CDH18: variants seen among roughly 807,000 people sequenced by gnomAD.
The protein encoded by CDH18 is cadherin 18.
In CDH18, 31 loss-of-function variants were observed where a neutral mutation model predicts 67.9. That is an observed-to-expected ratio of 0.46 (90% CI 0.34 to 0.62). The LOEUF is 0.62. CDH18 is among the 20% of genes least tolerant of loss of function. The pLI is 0.01. For missense variants in CDH18, 890 were observed against 975.5 expected, an observed-to-expected ratio of 0.91 and a Z score of 1.17; for synonymous variants, 362 against 347.2, an observed-to-expected ratio of 1.04 and a Z score of -0.48.
intron 3 of CDH18, among the ~76,000 whole-genome samples, chr5:19,821,462 T>A (rs1779872105): frequency 6.7e-6 from 1 of 148,850 alleles, no homozygotes; most frequent in Non-Finnish European, 1.5e-5. Flanking sequence ...TTGAGAAACA[T>A]GTGATTATGT....
At chr5:19,830,126 C>A (rs1037720495) in intron 3 of CDH18, among the ~76,000 whole-genome samples, 1 of 152,098 alleles carries the variant, frequency 6.6e-6, no homozygotes, top group African/African-American at 2.4e-5. Context: ...GGACATAGGT[C>A]CCAGCAAAGA....
chr5:19,486,303 T>C (rs1393603122), intron 11 of CDH18, among the ~76,000 whole-genome samples: 1 of 150,568 alleles, frequency 6.6e-6, no homozygotes, highest in Non-Finnish European at 1.5e-5. Flanking sequence ...TATATAGATA[T>C]GTATTATATA....
intron 1 of CDH18, among the ~76,000 whole-genome samples, chr5:20,335,737 CAT>C (rs1239389142): frequency 6.6e-6 from 1 of 151,506 alleles, no homozygotes; most frequent in Non-Finnish European, 1.5e-5. Context: ...GTGTCTGAAA[CAT>C]AGTAGAATCT....
chr5:19,756,168 C>T (rs1286501435), intron 3 of CDH18, among the ~76,000 whole-genome samples: 1 of 152,176 alleles, frequency 6.6e-6, no homozygotes, highest in East Asian at 1.9e-4. Flanking sequence ...CCAACCCAAA[C>T]ACTATCACAT....
rs74959546 is a variant in CDH18, at chr5:19,994,349, C to A, written c.-517-2335G>T. Among the ~76,000 whole-genome samples the A allele has an allele frequency of 9.7e-3, 1,375 of 141,960 alleles. 26 individuals carry two copies. Among genetic ancestry groups the A allele is most frequent in the African/African-American group, 0.037 (1,298 of 34,672 alleles). 93.1% of individuals were successfully genotyped at this position (141,960 alleles called of 152,430 possible). On this transcript the variant is annotated intron_variant, in intron 2 of 14. Transcript: ENST00000507958. Reference sequence around the variant, plus strand: ...TACATATATTTATACACCTCTCTATCCCCTTAGTTCGATTTTTCTGGAGAA... The same window carrying A: ...TACATATATTTATACACCTCTCTATACCCTTAGTTCGATTTTTCTGGAGAA...
intron 6 of CDH18, among the ~76,000 whole-genome samples, chr5:19,599,868 C>T (rs190557723): frequency 6.6e-6 from 1 of 152,222 alleles, no homozygotes; most frequent in African/African-American, 2.4e-5. Flanking sequence ...GCCTGGGCGA[C>T]AGAGCGAGAC....
At chr5:19,693,827 T>C (rs2150436233) in intron 5 of CDH18, among the ~76,000 whole-genome samples, 1 of 147,786 alleles carries the variant, frequency 6.8e-6, no homozygotes, top group East Asian at 2.0e-4. Context: ...ACCTGAGAGC[T>C]GGAGGTTGCA....
intron 1 of CDH18, among the ~76,000 whole-genome samples, chr5:20,388,340 C>T (rs1744503012): frequency 6.6e-6 from 1 of 152,080 alleles, no homozygotes; most frequent in Non-Finnish European, 1.5e-5. Flanking sequence ...TCTAGATTTT[C>T]TAGTTTATTT....
At chr5:19,658,255 A>G (rs1215964512) in intron 5 of CDH18, among the ~76,000 whole-genome samples, 8 of 152,086 alleles carry the variant, frequency 5.3e-5, no homozygotes, top group East Asian at 1.9e-4. Flanking sequence ...TCCTTCAAAG[A>G]ATTATAGCAT....
chr5:19,622,207 G>A (rs924557125), intron 5 of CDH18, among the ~76,000 whole-genome samples: 1 of 152,114 alleles, frequency 6.6e-6, no homozygotes, highest in Non-Finnish European at 1.5e-5. Context: ...GCATTGTAGG[G>A]AATTTCCTTC....
At chr5:19,779,084 T>C (rs1561282928) in intron 3 of CDH18, among the ~76,000 whole-genome samples, 1 of 152,184 alleles carries the variant, frequency 6.6e-6, no homozygotes, top group African/African-American at 2.4e-5. Context: ...GAGAATACTT[T>C]AAAAATTTTT....
intron 1 of CDH18, among the ~76,000 whole-genome samples, chr5:20,531,144 A>C (rs978560731): frequency 6.6e-6 from 1 of 152,116 alleles, no homozygotes; most frequent in Non-Finnish European, 1.5e-5. Context: ...AAAATAGCTC[A>C]ACACCACTGA....
At chr5:20,135,793 C>G (rs1749661939) in intron 2 of CDH18, among the ~76,000 whole-genome samples, 1 of 152,112 alleles carries the variant, frequency 6.6e-6, no homozygotes, top group Admixed American at 6.6e-5. Context: ...TATGTTGTGT[C>G]TTTGTTCTCA....
chr5:20,485,710 AG>A (rs111362428), intron 1 of CDH18, among the ~76,000 whole-genome samples: 10,546 of 152,154 alleles, frequency 0.069, 525 homozygotes, highest in African/African-American at 0.14. Flanking sequence ...GGTGAAAAAA[AG>A]TGTTTTGCTT....
rs539768184 is a variant in CDH18 at position 19,471,908 on chromosome 5, G to T, written c.*1318C>A. Reference sequence around the variant, plus strand: ...CTTTTATGCAATTGAATACTTTGCAGTTGGCAAAGCATTTTACAGATGCTC... The same window carrying T: ...CTTTTATGCAATTGAATACTTTGCATTTGGCAAAGCATTTTACAGATGCTC... On this transcript the variant is annotated 3_prime_UTR_variant, in exon 13 of 13. Coordinates refer to ENST00000382275, the MANE Select transcript of CDH18 (RefSeq NM_004934.5). 2.6e-4 allele frequency among the ~76,000 whole-genome samples: 39 copies of T among 152,274 alleles called. No homozygotes were observed. Among genetic ancestry groups the T allele is most frequent in the African/African-American group, 9.4e-4 (39 of 41,562 alleles).
At chr5:19,910,028 T>C (rs1056598972) in intron 2 of CDH18, among the ~76,000 whole-genome samples, 1 of 152,146 alleles carries the variant, frequency 6.6e-6, no homozygotes, top group Non-Finnish European at 1.5e-5. Flanking sequence ...CCTTTATGGG[T>C]CTCCCAAGTA....
intron 2 of CDH18, chr5:20,158,579 T>C (rs1286964336): frequency 1.3e-5 from 2 of 154,388 alleles, no homozygotes; most frequent in Non-Finnish European, 2.9e-5. Context: ...ATAAATTCAT[T>C]TTTTGTATTC....
intron 1 of CDH18, among the ~76,000 whole-genome samples, chr5:20,276,371 G>A (rs759203343): frequency 6.6e-6 from 1 of 152,138 alleles, no homozygotes; most frequent in African/African-American, 2.4e-5. Flanking sequence ...TAGGGAACTG[G>A]GCAGAGTCCT....
intron 1 of CDH18, chr5:20,306,010 A>T (rs1356817972): frequency 6.5e-6 from 1 of 153,132 alleles, no homozygotes; most frequent in African/African-American, 2.4e-5. Context: ...TATCATAACA[A>T]TATAGACATG....
Sources: gnomAD v4.1 joint callset for allele counts (sites outside exome capture counted in the v4.1 genomes callset) on GRCh38, gnomAD v4.1.1 for gene constraint, MANE v1.5 for transcripts, NCBI Gene and HGNC (gene_info 2026-07-23, HGNC 2026-07-21) for gene names.